The following MYO7A variants were observed in gnomAD, a reference collection of about 807,000 sequenced individuals.
MYO7A encodes myosin VIIA, also known as unconventional myosin-VIIa.
A neutral mutation model predicts 263.8 loss-of-function variants in MYO7A; 210 were observed. That is an observed-to-expected ratio of 0.80 (90% CI 0.71 to 0.89). The LOEUF (loss-of-function observed/expected upper bound fraction) is 0.89. MYO7A is among the 40% of genes least tolerant of loss of function. The probability of loss-of-function intolerance (pLI) is 0.00; values close to 1 mark genes in which losing one functional copy is unlikely to be tolerated. For missense variants in MYO7A, 2,820 were observed against 2,968.3 expected (o/e 0.95, Z 1.16); for synonymous variants, 1,239 against 1,197.3 (o/e 1.03, Z -0.72).
At chr11:77,181,790 T>TG (rs1157730755) in intron 23 of MYO7A, among the ~76,000 whole-genome samples, 161 bp from the exon 24 acceptor site, 4 of 146,872 alleles carry the variant, frequency 2.7e-5, no homozygotes, top group Admixed American at 6.7e-5. Flanking sequence ...TTTTTTTTTT[T>TG]TTTTTTTTTT....
chr11:77,201,933 GC>G (rs1456792308), intron 36 of MYO7A, among the ~76,000 whole-genome samples: 1 of 152,054 alleles, frequency 6.6e-6, no homozygotes, highest in Non-Finnish European at 1.5e-5. Flanking sequence ...TGGGAAGGGG[GC>G]CCTGCTTCTT....
chr11:77,139,879 G>A (rs1951102321), intron 2 of MYO7A, among the ~76,000 whole-genome samples: 1 of 152,150 alleles, frequency 6.6e-6, no homozygotes, highest in African/African-American at 2.4e-5. Flanking sequence ...GCCTTGCGAT[G>A]CTTCAAGAAC....
intron 2 of MYO7A, among the ~76,000 whole-genome samples, chr11:77,136,553 T>G (rs541176059): frequency 4.1e-4 from 62 of 152,102 alleles, no homozygotes; most frequent in Non-Finnish European, 7.7e-4. Context: ...CCCTAATGTC[T>G]GCCTAAAAAA....
At chr11:77,182,997 G>C (rs1955381066) in intron 25 of MYO7A, 71 bp from the exon 26 acceptor site, 1 of 1,320,000 alleles carries the variant, frequency 7.6e-7, no homozygotes, top group South Asian at 1.3e-5. Flanking sequence ...TCCCCGCAAA[G>C]TCTTGCTGTC....
intron 16 of MYO7A, 75 bp downstream of exon 16, chr11:77,172,960 G>A (rs1565384426): frequency 2.0e-6 from 3 of 1,482,492 alleles, no homozygotes; most frequent in East Asian, 5.0e-5. Context: ...AATAAGGTAG[G>A]GTGGGAGTGA....
Position 77,181,480 on chromosome 11 carries a change from C to A in MYO7A, c.2795C>A (p.Ala932Asp), listed in dbSNP as rs782692015. ...GAGCTCCTGGAGCAGATGGAAAGGG[C>A]CCGCCATGAGCCTGTCAATCACTCA... The part of the protein sequence containing the change: ...KKELLEQMER[A>D]RHEPVNHSDM... Residue 932 changes from alanine to aspartate, a missense_variant, in exon 23 of 49, where the codon GCC (alanine) becomes GAC (aspartate). Transcript: ENST00000409709. 3 of 1,612,672 alleles carry A rather than the reference C, an allele frequency of 1.9e-6. No homozygotes were observed. The East Asian group carries it at 6.7e-5, about 36-fold the overall frequency.
Position 77,203,307 on chromosome 11 carries a change from G to A in MYO7A, c.5326+90G>A, listed in dbSNP as rs114402566. ...TGCCTTCCTCCTGAGGGCCTGCTGC[G>A]ACCCGGGCACACATGGGGAGGGTTG... is the stretch of plus-strand genomic sequence containing the variant. On this transcript the variant is annotated intron_variant, in intron 38 of 48. Coordinates refer to ENST00000409709, the MANE Select transcript of MYO7A (RefSeq NM_000260.4). The A allele has an allele frequency of 4.6e-3, 6,513 of 1,424,014 alleles. 214 individuals carry two copies. In the African/African-American group the frequency reaches 0.079, roughly 17 times the overall value. The allele number at this position is 1,424,014 out of a possible 1,614,324, so 88.2% of individuals were successfully genotyped here.
At position 77,194,385 on chromosome 11, in the gene MYO7A, A is replaced by G. The variant is rs1340060226; in HGVS notation, c.4184A>G (p.Gln1395Arg). 1 of 1,612,864 alleles carries G rather than the reference A, an allele frequency of 6.2e-7. No individual in the cohort carries two copies. Among genetic ancestry groups the G allele is most frequent in the Non-Finnish European group, 8.5e-7 (1 of 1,179,448 alleles). ...GACCTGGCTGAGCTGGCCTCCCAGC[A>G]GTACTTTGTAGACTATGGCTCTGAG... is the stretch of plus-strand genomic sequence containing the variant. Reference protein sequence around the residue: ...EDDLAELASQQYFVDYGSEMI... With the variant: ...EDDLAELASQRYFVDYGSEMI... Residue 1395 changes from glutamine to arginine, a missense_variant, in exon 32 of 49, where the codon CAG becomes CGG. Coordinates refer to ENST00000409709, the MANE Select transcript of MYO7A (RefSeq NM_000260.4).
chr11:77,174,118 A>G lies in MYO7A; in HGVS notation c.1936-638A>G, dbSNP rs180906734. 9.5e-3 allele frequency among the ~76,000 whole-genome samples: 1,437 copies of G among 152,026 alleles called. 12 individuals carry two copies. Among genetic ancestry groups the G allele is most frequent in the Non-Finnish European group, 0.016 (1,070 of 67,940 alleles). On this transcript the variant is annotated intron_variant, in intron 16 of 48. Coordinates refer to ENST00000409709, the MANE Select transcript of MYO7A (RefSeq NM_000260.4). ...AAAACTTCCCTGGCTTCCAGCATCC[A>G]TGGATGAGGCCCTCACAGAGCCCCA...
At chr11:77,195,592 C>A (rs1217075610) in intron 32 of MYO7A, among the ~76,000 whole-genome samples, 1 of 152,242 alleles carries the variant, frequency 6.6e-6, no homozygotes, top group African/African-American at 2.4e-5. Flanking sequence ...ATGTGCTGGG[C>A]ACCATACCAG....
chr11:77,171,529 C>T (rs192069849), intron 15 of MYO7A, among the ~76,000 whole-genome samples: 14 of 152,244 alleles, frequency 9.2e-5, no homozygotes, highest in East Asian at 3.9e-4. Flanking sequence ...GGCTCTTTCT[C>T]GGAAGGCCTC....
intron 32 of MYO7A, 130 bp downstream of exon 32, chr11:77,194,654 C>T: frequency 1.1e-6 from 1 of 948,450 alleles, no homozygotes; most frequent in South Asian, 1.8e-5. Flanking sequence ...GCCCTTCCTT[C>T]ATTGGACATC....
In MYO7A at chr11:77,201,572, T is replaced by C. The variant is rs1172440196; in HGVS notation, c.4977T>C (p.Arg1659=). The C allele has an allele frequency of 6.2e-7, 1 of 1,613,806 alleles. No individual in the cohort carries two copies. The highest frequency in any genetic ancestry group is 1.7e-5 in the Admixed American group (1 of 60,010). ...ANGINERTKQ[R]GDFPTDSVYV... is the part of the protein sequence containing the mutation. ...GCATCAATGAGAGGACCAAGCAGCG[T>C]GGGGACTTCCCCACCGACAGTGTGT... Residue 1659 remains arginine, a synonymous_variant, in exon 36 of 49, where the codon CGT becomes CGC. Coordinates refer to ENST00000409709, the MANE Select transcript of MYO7A (RefSeq NM_000260.4).
chr11:77,132,379 T>A (rs11237100), intron 2 of MYO7A, among the ~76,000 whole-genome samples: 151,831 of 152,010 alleles, frequency 1, 75,829 homozygotes, highest in Middle Eastern at 1. Flanking sequence ...AGAGAGGCAG[T>A]CCAGGGAAGC....
At chr11:77,206,481 T>C (rs528169455) in intron 41 of MYO7A, among the ~76,000 whole-genome samples, 2 of 152,308 alleles carry the variant, frequency 1.3e-5, no homozygotes, top group East Asian at 3.9e-4. Flanking sequence ...AGAAAAGCGC[T>C]TCTCCCTCTG....
At chr11:77,181,689 C>A in intron 23 of MYO7A, 100 bp downstream of exon 23, 1 of 1,179,024 alleles carries the variant, frequency 8.5e-7, no homozygotes, top group Non-Finnish European at 1.2e-6. Flanking sequence ...CCCAGTCCCT[C>A]TGAACAGTGG....
intron 9 of MYO7A, among the ~76,000 whole-genome samples, 194 bp downstream of exon 9, chr11:77,158,624 G>A (rs529635656): frequency 3.9e-5 from 6 of 152,334 alleles, no homozygotes; most frequent in African/African-American, 7.2e-5. Context: ...GTGTGGTGTC[G>A]CTGTGCTGAC....
At chr11:77,168,247 A>T (rs1259895241) in intron 15 of MYO7A, among the ~76,000 whole-genome samples, 1 of 152,222 alleles carries the variant, frequency 6.6e-6, no homozygotes, top group Non-Finnish European at 1.5e-5. Flanking sequence ...TACTCCTGGG[A>T]TTAGAACCCA....
chr11:77,192,083 C>T lies in MYO7A; in HGVS notation c.3957C>T (p.Val1319=), dbSNP rs1365173077. Reference sequence around the variant, plus strand: ...CCCTGGGCAGCGGCAGTGACCACGTCATGGACGCCATCTCCCAGTGCGAGC... The same window carrying T: ...CCCTGGGCAGCGGCAGTGACCACGTTATGGACGCCATCTCCCAGTGCGAGC... ...VSSLGSGSDH[V]MDAISQCEQY... is the part of the protein sequence containing the mutation. The change falls in exon 31 of 49, where the codon GTC becomes GTT. Residue 1319 remains valine (V), a synonymous_variant. Coordinates refer to ENST00000409709, the MANE Select transcript of MYO7A (RefSeq NM_000260.4). The T allele has an allele frequency of 1.9e-5, 30 of 1,613,674 alleles. No individual in the cohort carries two copies. The highest frequency in any genetic ancestry group is 2.4e-5 in the Non-Finnish European group (28 of 1,179,906).
Sources: gnomAD v4.1 joint callset for allele counts (sites outside exome capture counted in the v4.1 genomes callset) on GRCh38, gnomAD v4.1.1 for gene constraint, MANE v1.5 for transcripts, NCBI Gene and HGNC (gene_info 2026-07-23, HGNC 2026-07-21) for gene names.